RBFOX2: variants seen among roughly 807,000 people sequenced by gnomAD.
The protein encoded by RBFOX2 is RNA binding fox-1 homolog 2, also known as RNA binding protein fox-1 homolog 2.
In RBFOX2, 10 loss-of-function variants were observed where a neutral mutation model predicts 49.1. The observed-to-expected ratio is 0.20, with a 90% CI of 0.13 to 0.35. The LOEUF is 0.35. Ranked by LOEUF, RBFOX2 falls within the 10% of genes least tolerant of loss-of-function variation. RBFOX2 has a pLI of 1.00. For synonymous variants in RBFOX2, 183 were observed against 187.4 expected, an observed-to-expected ratio of 0.98 and a Z score of 0.19; for missense variants, 323 against 486.9, an observed-to-expected ratio of 0.66 and a Z score of 3.17.
At chr22:35,909,613 C>T (rs563163428) in intron 1 of RBFOX2, among the ~76,000 whole-genome samples, 8 of 152,096 alleles carry the variant, frequency 5.3e-5, no homozygotes, top group East Asian at 1.9e-4. Context: ...GCAATGTCTC[C>T]GAGCAATGTC....
chr22:35,900,177 G>A (rs1207244397), intron 1 of RBFOX2, among the ~76,000 whole-genome samples: 3 of 152,134 alleles, frequency 2.0e-5, no homozygotes, highest in Non-Finnish European at 4.4e-5. Flanking sequence ...GCAGTGGCAT[G>A]ATCTCGGCTC....
At chr22:35,941,407 T>C (rs978914930), upstream of RBFOX2, among the ~76,000 whole-genome samples, 9 of 152,142 alleles carry the variant, frequency 5.9e-5, no homozygotes, top group Admixed American at 2.0e-4. Context: ...CAAAAATATA[T>C]TTCCTATCAC....
chr22:35,820,043 TATGTGA>T (rs1569257695), intron 1 of RBFOX2, among the ~76,000 whole-genome samples: 3 of 152,114 alleles, frequency 2.0e-5, no homozygotes, highest in Non-Finnish European at 4.4e-5. Context: ...CTTGGAGACC[TATGTGA>T]TCAGACTGGA....
At chr22:35,750,431 T>C in intron 9 of RBFOX2, 1 of 1,602,176 alleles carries the variant, frequency 6.2e-7, no homozygotes, top group Non-Finnish European at 8.5e-7. Context: ...CAGACCTGTT[T>C]GATCTGAAGC....
chr22:35,923,328 A>G (rs2051238111), intron 1 of RBFOX2, among the ~76,000 whole-genome samples: 1 of 151,370 alleles, frequency 6.6e-6, no homozygotes, highest in South Asian at 2.1e-4. Context: ...CAGGCCTTTC[A>G]TATCTTTTTT....
At chr22:35,971,709 T>G (rs1257668279) in intron 1 of RBFOX2, among the ~76,000 whole-genome samples, 1 of 151,956 alleles carries the variant, frequency 6.6e-6, no homozygotes, top group African/African-American at 2.4e-5. Context: ...AAAGACAACA[T>G]GAGACGGTTG....
intron 1 of RBFOX2, among the ~76,000 whole-genome samples, chr22:35,889,765 A>G (rs550212574): frequency 6.6e-6 from 1 of 152,270 alleles, no homozygotes; most frequent in South Asian, 2.1e-4. Flanking sequence ...TGATAATTCA[A>G]TTTACTATTA....
chr22:35,982,869 G>A (rs2057531134), intron 1 of RBFOX2, among the ~76,000 whole-genome samples: 1 of 151,178 alleles, frequency 6.6e-6, no homozygotes, highest in Admixed American at 6.6e-5. Context: ...AGAGAGTGTG[G>A]CCTACAAAAC....
At chr22:35,809,681 C>A in intron 2 of RBFOX2, 99 bp downstream of exon 3, 2 of 1,316,804 alleles carry the variant, frequency 1.5e-6, no homozygotes. Context: ...GGTGTAAATG[C>A]TAAATTAATT....
intron 1 of RBFOX2, among the ~76,000 whole-genome samples, chr22:35,917,320 G>C (rs143142771): frequency 4.6e-4 from 70 of 152,286 alleles, no homozygotes; most frequent in African/African-American, 1.6e-3. Flanking sequence ...ATCTATCTCA[G>C]CCGTCAGGGT....
intron 2 of RBFOX2, among the ~76,000 whole-genome samples, chr22:35,796,740 A>C: frequency 7.2e-6 from 1 of 138,644 alleles, no homozygotes; most frequent in African/African-American, 2.7e-5. Flanking sequence ...ATATCGGCTT[A>C]CTGAGTTACG....
At chr22:36,009,937 G>C (rs142650259) in intron 1 of RBFOX2, among the ~76,000 whole-genome samples, 2 of 152,266 alleles carry the variant, frequency 1.3e-5, no homozygotes, top group East Asian at 3.9e-4. Context: ...CCTCGGGTTG[G>C]CACTTCACCT....
chr22:35,745,363 ACTT>A (rs1235359364), intron 11 of RBFOX2, among the ~76,000 whole-genome samples: 2 of 152,124 alleles, frequency 1.3e-5, no homozygotes, highest in Admixed American at 1.3e-4. Context: ...AGTTCTATGG[ACTT>A]CTTCGATACT....
At chr22:35,809,895 T>C (rs1569210726) in exon 2 of RBFOX2, 2 of 1,614,008 alleles carry the variant, frequency 1.2e-6, no homozygotes, top group Non-Finnish European at 1.7e-6. Context: ...GTCTTGAGTG[T>C]GTGGCACCCC....
chr22:35,756,643 G>A (rs530162478), intron 9 of RBFOX2, among the ~76,000 whole-genome samples: 3 of 152,170 alleles, frequency 2.0e-5, no homozygotes, highest in Non-Finnish European at 2.9e-5. Flanking sequence ...TTTACATTAC[G>A]TTTAAGTATT....
At chr22:35,933,474 C>T (rs2052659042) in intron 1 of RBFOX2, among the ~76,000 whole-genome samples, 1 of 152,050 alleles carries the variant, frequency 6.6e-6, no homozygotes, top group South Asian at 2.1e-4. Context: ...GCAAGTATCC[C>T]ACTGCTGAAC....
intron 1 of RBFOX2, among the ~76,000 whole-genome samples, chr22:35,815,592 G>C (rs910860672): frequency 2.0e-5 from 3 of 152,036 alleles, no homozygotes; most frequent in African/African-American, 7.2e-5. Context: ...AATCCTAAAA[G>C]CTTCTCAATT....
intron 1 of RBFOX2, among the ~76,000 whole-genome samples, chr22:35,824,698 C>CA (rs765134477): frequency 9.9e-5 from 15 of 152,124 alleles, no homozygotes; most frequent in Non-Finnish European, 1.9e-4. Context: ...ACAAAAGAAC[C>CA]AAAAACAAGC....
chr22:35,959,678 T>C (rs968873984), intron 1 of RBFOX2, among the ~76,000 whole-genome samples: 1 of 152,192 alleles, frequency 6.6e-6, no homozygotes, highest in Non-Finnish European at 1.5e-5. Context: ...TTATACTCAA[T>C]AGTTCCCAAT....
Sources: allele counts gnomAD v4.1 joint callset (sites outside exome capture counted in the v4.1 genomes callset), GRCh38; gene constraint gnomAD v4.1.1; transcripts MANE v1.5; gene names NCBI Gene and HGNC (gene_info 2026-07-23, HGNC 2026-07-21).